Variants in LPP observed in about 807,000 individuals in gnomAD.
The protein encoded by LPP is LIM domain containing preferred translocation partner in lipoma.
In LPP, 38 loss-of-function variants were observed where a neutral mutation model predicts 60.4. The observed-to-expected ratio is 0.63, with a 90% CI of 0.49 to 0.83. The LOEUF (loss-of-function observed/expected upper bound fraction) is 0.83, where lower values mean the gene tolerates loss of function less well. Ranked by LOEUF, LPP falls within the 40% of genes least tolerant of loss-of-function variation. The pLI, the probability that LPP is intolerant of heterozygous loss-of-function variation, is 0.00. For synonymous variants in LPP, 328 were observed against 290.8 expected (o/e 1.13, Z -1.30); for missense variants, 902 against 783.6 (o/e 1.15, Z -1.80).
intron 1 of LPP, among the ~76,000 whole-genome samples, chr3:188,159,386 A>G (rs954071861): frequency 1.3e-5 from 2 of 152,190 alleles, no homozygotes; most frequent in Non-Finnish European, 2.9e-5. Context: ...TTGTGAGAGG[A>G]GACAGACCCC....
chr3:188,469,034 G>A (rs1224577877), intron 4 of LPP, among the ~76,000 whole-genome samples: 6 of 152,184 alleles, frequency 3.9e-5, no homozygotes, highest in Admixed American at 2.6e-4. Flanking sequence ...ATCTGAGGAA[G>A]TGAAGAAAGC....
At chr3:188,389,856 G>T (rs1261381411) in intron 3 of LPP, among the ~76,000 whole-genome samples, 1 of 150,826 alleles carries the variant, frequency 6.6e-6, no homozygotes, top group Non-Finnish European at 1.5e-5. Flanking sequence ...GTGAGTTGTT[G>T]CCTGAATCTT....
chr3:188,609,397 T>C lies in LPP; in HGVS notation c.666T>C (p.Asn222=), dbSNP rs1179382231. ...CCACTTCTTCAAGGCCTACCTTTAA[T>C]GTGCAGGTGAAGTCAGCCCAGCCCA... ...TASTSSRPTF[N]VQVKSAQPSP... is the part of the protein sequence containing the mutation. Residue 222 remains asparagine (N), a synonymous_variant, in exon 7 of 12, where the codon AAT becomes AAC. Transcript: ENST00000617246. This position sits in a 1 kb window ranked among gnomAD's most constrained non-coding sequence, Gnocchi z 6.9. 10 of 1,614,168 alleles carry C rather than the reference T, an allele frequency of 6.2e-6. No homozygotes were observed. Among genetic ancestry groups the C allele is most frequent in the East Asian group, 2.2e-5 (1 of 44,868 alleles).
At chr3:188,646,374 G>T (rs1195192496) in intron 7 of LPP, among the ~76,000 whole-genome samples, 2 of 152,144 alleles carry the variant, frequency 1.3e-5, no homozygotes. Flanking sequence ...GAATGATCAG[G>T]AACCCTATAA....
chr3:188,641,511 C>A (rs995382416), intron 7 of LPP, among the ~76,000 whole-genome samples: 7 of 152,120 alleles, frequency 4.6e-5, no homozygotes, highest in African/African-American at 1.7e-4. Flanking sequence ...ATGTTCAGCA[C>A]AGTAATAAGG....
chr3:188,375,733 C>T (rs1324124342), intron 3 of LPP, among the ~76,000 whole-genome samples: 2 of 151,952 alleles, frequency 1.3e-5, no homozygotes, highest in Non-Finnish European at 2.9e-5. Context: ...TTAGTTATTT[C>T]TTGCCTTCTG....
chr3:188,553,517 C>T (rs1828713654), intron 6 of LPP, among the ~76,000 whole-genome samples: 1 of 152,120 alleles, frequency 6.6e-6, no homozygotes, highest in Admixed American at 6.5e-5. Flanking sequence ...ATATTCAACA[C>T]TAGCTTTTCT....
intron 7 of LPP, among the ~76,000 whole-genome samples, chr3:188,633,202 A>G (rs1279213264): frequency 1.3e-5 from 2 of 152,190 alleles, no homozygotes; most frequent in Non-Finnish European, 2.9e-5. Context: ...ACTGTGTAGT[A>G]AAATTCACCA....
chr3:188,757,071 C>T (rs1456871431), intron 8 of LPP, among the ~76,000 whole-genome samples: 4 of 152,146 alleles, frequency 2.6e-5, no homozygotes, highest in Admixed American at 1.3e-4. Context: ...CTTGAAGGTT[C>T]GGCTCAAATG....
chr3:188,397,709 G>A (rs1490883188), intron 3 of LPP, among the ~76,000 whole-genome samples: 3 of 151,974 alleles, frequency 2.0e-5, no homozygotes, highest in Non-Finnish European at 4.4e-5. Context: ...TGCCTCCTGG[G>A]TTCAAGTGAT....
At chr3:188,195,120 G>GTC (rs1729167125) in intron 1 of LPP, among the ~76,000 whole-genome samples, 2 of 152,094 alleles carry the variant, frequency 1.3e-5, no homozygotes, top group South Asian at 4.1e-4. Context: ...TTAGCTGGGC[G>GTC]TCGTGGCTTG....
chr3:188,601,772 A>C (rs1841220125), intron 6 of LPP, among the ~76,000 whole-genome samples: 1 of 152,048 alleles, frequency 6.6e-6, no homozygotes, highest in South Asian at 2.1e-4. Flanking sequence ...TATTATGTTT[A>C]TATATCGCAC....
At chr3:188,544,064 A>C (rs1825902462) in intron 6 of LPP, among the ~76,000 whole-genome samples, 1 of 152,164 alleles carries the variant, frequency 6.6e-6, no homozygotes. Flanking sequence ...AGAATTTAAG[A>C]AAGTTATACC....
chr3:188,751,451 G>A (rs1190860906), intron 8 of LPP, among the ~76,000 whole-genome samples: 1 of 152,208 alleles, frequency 6.6e-6, no homozygotes, highest in Non-Finnish European at 1.5e-5. Flanking sequence ...GACGGAGAAT[G>A]TGAAAATGTC....
Position 188,571,725 on chromosome 3 carries a change from T to G in LPP, c.430-37436T>G, listed in dbSNP as rs900574461. Among the ~76,000 whole-genome samples the G allele has an allele frequency of 6.6e-5, 10 of 151,938 alleles. 1 individual carries two copies. The highest frequency in any genetic ancestry group is 6.2e-4 in the South Asian group (3 of 4,824). On this transcript the variant is annotated intron_variant, in intron 6 of 11. Transcript: ENST00000617246. ...TGTCAGACTGCCTTAGATGGAACAC[T>G]CTGTATCCTCCGCTTGCCAGCTGGG... is the stretch of plus-strand genomic sequence containing the variant.
intron 4 of LPP, among the ~76,000 whole-genome samples, chr3:188,460,981 A>C (rs938480827): frequency 2.6e-5 from 4 of 152,198 alleles, no homozygotes; most frequent in African/African-American, 7.2e-5. Flanking sequence ...GGAACTGTTG[A>C]AAGAGATTGT....
chr3:188,776,564 A>T (rs1737862391), intron 9 of LPP, among the ~76,000 whole-genome samples: 1 of 152,204 alleles, frequency 6.6e-6, no homozygotes. Context: ...CTCTGATGGC[A>T]TCTTAATGGA....
intron 9 of LPP, among the ~76,000 whole-genome samples, chr3:188,793,125 G>C (rs113991044): frequency 1.8e-4 from 27 of 151,822 alleles, no homozygotes; most frequent in African/African-American, 6.3e-4. Context: ...TACTTTGTAC[G>C]TATCAGTCTA....
intron 6 of LPP, among the ~76,000 whole-genome samples, chr3:188,538,190 T>C (rs768310994): frequency 2.0e-5 from 3 of 152,092 alleles, no homozygotes; most frequent in Non-Finnish European, 4.4e-5. Flanking sequence ...CACAAACAAC[T>C]GAAGAAAAAA....
Sources: allele counts gnomAD v4.1 joint callset (sites outside exome capture counted in the v4.1 genomes callset), GRCh38; gene constraint gnomAD v4.1.1; non-coding constraint Gnocchi (gnomAD v3.1); transcripts MANE v1.5; gene names NCBI Gene and HGNC (gene_info 2026-07-23, HGNC 2026-07-21).